The following FGD6 variants were observed in gnomAD, a reference collection of about 807,000 sequenced individuals.
FGD6 encodes FYVE, RhoGEF and PH domain containing 6.
In FGD6, 90 loss-of-function variants were observed where a neutral mutation model predicts 149.4. That is an observed-to-expected ratio of 0.60 (90% CI 0.51 to 0.72). The LOEUF (loss-of-function observed/expected upper bound fraction) is 0.72. Among genes scored for constraint, FGD6 ranks in the 30% least tolerant of loss-of-function variants. The pLI, the probability that FGD6 is intolerant of heterozygous loss-of-function variation, is 0.00. For synonymous variants in FGD6, 527 were observed against 584.0 expected (o/e 0.90, Z 1.41); for missense variants, 1,437 against 1,684.8 (o/e 0.85, Z 2.57).
chr12:95,147,455 T>C (rs1248756049), intron 5 of FGD6, among the ~76,000 whole-genome samples: 2 of 152,164 alleles, frequency 1.3e-5, no homozygotes, highest in South Asian at 2.1e-4. Context: ...GTAATCATCA[T>C]AATAACTCTA....
At chr12:95,204,452 G>A (rs1283133378) in intron 2 of FGD6, among the ~76,000 whole-genome samples, 1 of 152,106 alleles carries the variant, frequency 6.6e-6, no homozygotes, top group Non-Finnish European at 1.5e-5. Context: ...AAGAAAAGGA[G>A]GTAGAGAAAC....
chr12:95,216,408 A>G (rs1592886655), intron 1 of FGD6, among the ~76,000 whole-genome samples: 1 of 150,464 alleles, frequency 6.6e-6, no homozygotes, highest in East Asian at 1.9e-4. Flanking sequence ...TACTTAATAC[A>G]TAAGTTCTGG....
intron 14 of FGD6, 36 bp downstream of exon 14, chr12:95,104,971 G>GA (rs11331948): frequency 8.9e-3 from 12,029 of 1,345,000 alleles, no homozygotes; most frequent in Non-Finnish European, 0.011. Context: ...CTCAGAATGA[G>GA]AAAAAAAAAA....
At chr12:95,165,617 C>T (rs1353538642) in intron 3 of FGD6, among the ~76,000 whole-genome samples, 1 of 151,656 alleles carries the variant, frequency 6.6e-6, no homozygotes, top group Non-Finnish European at 1.5e-5. Context: ...AGATTACAGG[C>T]ATGAGCCACC....
chr12:95,126,693 T>G, intron 8 of FGD6, among the ~76,000 whole-genome samples: 1 of 147,518 alleles, frequency 6.8e-6, no homozygotes, highest in East Asian at 2.0e-4. Context: ...ATCACACCAC[T>G]GCACTCCAGC....
At chr12:95,159,029 A>G (rs944862198) in intron 3 of FGD6, among the ~76,000 whole-genome samples, 4 of 152,220 alleles carry the variant, frequency 2.6e-5, no homozygotes, top group Admixed American at 2.6e-4. Flanking sequence ...CAGTAGCTTT[A>G]AAGAAATGCA....
At chr12:95,173,047 A>C (rs1881038094) in intron 2 of FGD6, among the ~76,000 whole-genome samples, 1 of 152,212 alleles carries the variant, frequency 6.6e-6, no homozygotes, top group East Asian at 1.9e-4. Context: ...TACTCCTAGA[A>C]TAAACTAAGA....
chr12:95,210,258 C>T lies in FGD6; in HGVS notation c.1026G>A (p.Gly342=), dbSNP rs753179167. ...GACAGGAAGAGCTACTGTCTGAATT[C>T]CCCGGTTCTTCAGTGCTTTCACTAG... ...DTPSESTEEP[G]NSDSSSSCLT... The change falls in exon 2 of 21, where the codon GGG becomes GGA. Residue 342 remains glycine (G), a synonymous_variant. Coordinates refer to ENST00000343958, the MANE Select transcript of FGD6 (RefSeq NM_018351.4). The T allele has an allele frequency of 6.2e-7, 1 of 1,613,986 alleles. No individual in the cohort carries two copies. Among genetic ancestry groups the T allele is most frequent in the African/African-American group, 1.3e-5 (1 of 74,898 alleles).
intron 14 of FGD6, among the ~76,000 whole-genome samples, chr12:95,097,764 C>T (rs542757644): frequency 6.6e-6 from 1 of 151,874 alleles, no homozygotes; most frequent in South Asian, 2.1e-4. Context: ...GTAACATTCA[C>T]TGGGAGCCTA....
rs79070342 is a variant in FGD6, at chr12:95,177,686, A to G, written c.2442-4942T>C. ...TTCATATTTATCACAGAATGAGGGG[A>G]AAAAAACTACCATTATGGGCTTTAA... On this transcript the variant is annotated intron_variant, in intron 2 of 20. Transcript: ENST00000343958. Among the ~76,000 whole-genome samples the G allele has an allele frequency of 5.2e-3, 787 of 152,200 alleles. 5 individuals carry two copies. The highest frequency in any genetic ancestry group is 0.02 in the Middle Eastern group (6 of 294).
chr12:95,169,286 C>A (rs1880918442), intron 3 of FGD6, among the ~76,000 whole-genome samples: 3 of 151,194 alleles, frequency 2.0e-5, no homozygotes, highest in African/African-American at 4.9e-5. Flanking sequence ...ATGTCTGTAA[C>A]ACAATCACAT....
rs182566478 is a variant in FGD6, at chr12:95,079,344, T to C, written c.*2176A>G. 45 of 152,368 alleles carry C rather than the reference T, an allele frequency of 3.0e-4. No homozygotes were observed. In the East Asian group the frequency reaches 7.9e-3, roughly 27 times the overall value. 9.4% of individuals were successfully genotyped at this position (152,368 alleles called of 1,614,324 possible). ...AAAGAGACTGTAAGTTTGTGCCAGA[T>C]TTCTTCCCTCTCTCACTCTCTTTAG... On this transcript the variant is annotated 3_prime_UTR_variant, in exon 21 of 21. Coordinates refer to ENST00000343958, the MANE Select transcript of FGD6 (RefSeq NM_018351.4).
intron 3 of FGD6, among the ~76,000 whole-genome samples, chr12:95,169,571 T>C (rs983588081): frequency 1.3e-5 from 2 of 152,138 alleles, no homozygotes; most frequent in Non-Finnish European, 2.9e-5. Flanking sequence ...TATCACAGGA[T>C]GTGTTGGAAA....
intron 14 of FGD6, chr12:95,100,682 T>G (rs2136237805): frequency 1.9e-6 from 1 of 539,098 alleles, no homozygotes; most frequent in Non-Finnish European, 3.8e-6. Context: ...GCACCAGAAT[T>G]CACCAAGAGC....
rs377476889 is a variant in FGD6, at chr12:95,167,046, G to A, written c.2586+5554C>T. On this transcript the variant is annotated intron_variant, in intron 3 of 20. Coordinates refer to ENST00000343958, the MANE Select transcript of FGD6 (RefSeq NM_018351.4). ...TAATTTATGTACTTTTAGTAGAGAC[G>A]GGATTTCACCATGTTGGTCAAGCTG... Among the ~76,000 whole-genome samples, 33 of 151,920 alleles carry A rather than the reference G, an allele frequency of 2.2e-4. No individual in the cohort carries two copies. The East Asian group carries it at 5.4e-3, about 25-fold the overall frequency.
chr12:95,103,453 A>C (rs1277233473), intron 14 of FGD6, among the ~76,000 whole-genome samples: 1 of 152,184 alleles, frequency 6.6e-6, no homozygotes, highest in East Asian at 1.9e-4. Flanking sequence ...CTTGAATTAC[A>C]TTATGGCAAC....
At chr12:95,109,753 T>C (rs1462743911) in intron 9 of FGD6, among the ~76,000 whole-genome samples, 1 of 152,010 alleles carries the variant, frequency 6.6e-6, no homozygotes, top group African/African-American at 2.4e-5. Context: ...GTCCAGCAAT[T>C]TGGGGCGCTC....
chr12:95,108,763 A>C lies in FGD6; in HGVS notation c.3134-202T>G, dbSNP rs146687782. Among the ~76,000 whole-genome samples the C allele has an allele frequency of 4.7e-3, 718 of 152,240 alleles. 4 individuals carry two copies. Among genetic ancestry groups the C allele is most frequent in the Non-Finnish European group, 7.1e-3 (484 of 68,020 alleles). Reference sequence around the variant, plus strand: ...ACCAAACAACACCACCACCACCAAAAACCTGGCCAAAACAATATATAGGGA... The same window carrying C: ...ACCAAACAACACCACCACCACCAAACACCTGGCCAAAACAATATATAGGGA... On this transcript the variant is annotated intron_variant, in intron 9 of 20. Transcript: ENST00000343958.
At position 95,112,815 on chromosome 12, in the gene FGD6, C is replaced by A. The variant is rs140974411; in HGVS notation, c.3133+836G>T. Among the ~76,000 whole-genome samples the A allele has an allele frequency of 5.8e-3, 888 of 152,228 alleles. 5 individuals are homozygous for A. Among genetic ancestry groups the A allele is most frequent in the Non-Finnish European group, 7.8e-3 (530 of 68,018 alleles). Reference sequence around the variant, plus strand: ...TCCCTCATGTTGTAATGGATTGTTTCCCTTAAGTACTACTAGGGCTGAGGG... The same window carrying A: ...TCCCTCATGTTGTAATGGATTGTTTACCTTAAGTACTACTAGGGCTGAGGG... On this transcript the variant is annotated intron_variant, in intron 9 of 20. Transcript: ENST00000343958.
Sources: gnomAD v4.1 joint callset for allele counts (sites outside exome capture counted in the v4.1 genomes callset) on GRCh38, gnomAD v4.1.1 for gene constraint, MANE v1.5 for transcripts, NCBI Gene and HGNC (gene_info 2026-07-23, HGNC 2026-07-21) for gene names.